The following SEZ6L2 variants were observed in gnomAD, a reference collection of about 807,000 sequenced individuals.
SEZ6L2 encodes the protein seizure 6-like protein 2.
In SEZ6L2, 44 loss-of-function variants were observed where a neutral mutation model predicts 97.0. The ratio of observed to expected loss-of-function variants is 0.45; its 90% CI spans 0.36 to 0.58. The LOEUF (loss-of-function observed/expected upper bound fraction) is 0.58, where lower values mean the gene tolerates loss of function less well. SEZ6L2 is among the 20% of genes least tolerant of loss of function. The probability of loss-of-function intolerance (pLI) is 0.00; values close to 1 mark genes in which losing one functional copy is unlikely to be tolerated. For synonymous variants in SEZ6L2, 543 were observed against 546.1 expected, an observed-to-expected ratio of 0.99 and a Z score of 0.08; for missense variants, 1,086 against 1,233.3, an observed-to-expected ratio of 0.88 and a Z score of 1.79.
Position 29,898,998 on chromosome 16 carries a change from G to A in SEZ6L2, c.22C>T (p.His8Tyr). The change falls in exon 1 of 18, where the codon CAC (histidine) becomes TAC (tyrosine). Residue 8 changes from histidine to tyrosine, a missense_variant. By Grantham distance (83) the His-to-Tyr change is moderately conservative. Coordinates refer to ENST00000617533, the MANE Select transcript of SEZ6L2 (RefSeq NM_001243332.2). Reference sequence around the variant, plus strand: ...AACAGCAGCTGGGGAGGCGGCGGGTGCTGGGCCCTGGGAGTCCCCATGGCG... The same window carrying A: ...AACAGCAGCTGGGGAGGCGGCGGGTACTGGGCCCTGGGAGTCCCCATGGCG... MGTPRAQ[H>Y]PPPPQLLFLI... 6.2e-7 allele frequency: 1 copy of A among 1,611,080 alleles called. No individual in the cohort carries two copies.
chr16:29,886,119 G>C (rs1436542665), intron 7 of SEZ6L2: 1 of 161,516 alleles, frequency 6.2e-6, no homozygotes, highest in Non-Finnish European at 1.3e-5. Flanking sequence ...TGTCATCCCA[G>C]CACTTTGGGA....
rs974327400 is a variant in SEZ6L2 at position 29,872,168 on chromosome 16, G to A, written c.2742+19C>T. On this transcript the variant is annotated intron_variant, in intron 17 of 17. Coordinates refer to ENST00000617533, the MANE Select transcript of SEZ6L2 (RefSeq NM_001243332.2). Reference sequence around the variant, plus strand: ...GGAGAGCCAAGTGGTGGCTCTTCAGGGGCAGGCAAGGTGCTTACCCCAGCT... The same window carrying A: ...GGAGAGCCAAGTGGTGGCTCTTCAGAGGCAGGCAAGGTGCTTACCCCAGCT... 6.4e-7 allele frequency: 1 copy of A among 1,565,472 alleles called. No homozygotes were observed. Among genetic ancestry groups the A allele is most frequent in the Admixed American group, 1.9e-5 (1 of 53,194 alleles).
At chr16:29,884,642 A>G (rs1483565904) in intron 8 of SEZ6L2, among the ~76,000 whole-genome samples, 1 of 151,886 alleles carries the variant, frequency 6.6e-6, no homozygotes, top group African/African-American at 2.4e-5. Flanking sequence ...TGTCAGGCGC[A>G]GTGGCTCACG....
At chr16:29,894,701 T>C (rs1162040420) in intron 5 of SEZ6L2, among the ~76,000 whole-genome samples, 1 of 152,170 alleles carries the variant, frequency 6.6e-6, no homozygotes, top group African/African-American at 2.4e-5. Flanking sequence ...GGGCCTGGTA[T>C]GAAGCAAGCA....
Position 29,873,610 on chromosome 16 carries a change from C to A in SEZ6L2, c.2224G>T (p.Ala742Ser), listed in dbSNP as rs1596957096. The A allele has an allele frequency of 6.2e-7, 1 of 1,614,040 alleles. No homozygotes were observed. Among genetic ancestry groups the A allele is most frequent in the East Asian group, 2.2e-5 (1 of 44,872 alleles). Residue 742 changes from alanine (A) to serine (S), a missense_variant, in exon 13 of 18, where the codon GCA (alanine) becomes TCA (serine). Ala to Ser is a moderately conservative substitution (Grantham distance 99, BLOSUM62 1). Transcript: ENST00000617533. This position sits in a 1 kb window ranked among gnomAD's most constrained non-coding sequence, Gnocchi z 4.3. ...RCLPGYSLEG[A>S]AMLTCYSRDT... ...CGGCTGTAGCAGGTGAGCATGGCTGCCCCCTCGAGGCTGTACCCTGGCAGG... is the reference window on the plus strand; with the variant it reads ...CGGCTGTAGCAGGTGAGCATGGCTGACCCCTCGAGGCTGTACCCTGGCAGG...
chr16:29,895,977 G>A (rs1010460369), intron 3 of SEZ6L2, 117 bp from the exon 4 acceptor site: 1 of 1,145,680 alleles, frequency 8.7e-7, no homozygotes, highest in Non-Finnish European at 1.2e-6. Context: ...TTTTTGTTTT[G>A]TTTGAGACAG....
chr16:29,895,340 G>C lies in SEZ6L2; in HGVS notation c.772C>G (p.Arg258Gly). 6.2e-7 allele frequency: 1 copy of C among 1,614,136 alleles called. No individual in the cohort carries two copies. Among genetic ancestry groups the C allele is most frequent in the Non-Finnish European group, 8.5e-7 (1 of 1,180,040 alleles). The change falls in exon 5 of 18, where the codon CGG (arginine) becomes GGG (glycine). Residue 258 changes from arginine to glycine, a missense_variant. Coordinates refer to ENST00000617533, the MANE Select transcript of SEZ6L2 (RefSeq NM_001243332.2). Reference protein sequence around the residue: ...SSMLGEGQVLRSPTNRLLLHF... With the variant: ...SSMLGEGQVLGSPTNRLLLHF... The stretch of plus-strand genomic sequence containing the variant: ...AGAAGCAGCCGGTTGGTTGGGCTCC[G>C]AAGGACTTGTCCTTCTCCAAGCATG...
In SEZ6L2 at chr16:29,890,841, C is replaced by T. The variant is rs561876201; in HGVS notation, c.854-2116G>A. ...TCAGCTCATTGCAACTTTTACCTCCCGGGTTCAAGTAATTCTCCTCCCTCA... is the reference window on the plus strand; with the variant it reads ...TCAGCTCATTGCAACTTTTACCTCCTGGGTTCAAGTAATTCTCCTCCCTCA... On this transcript the variant is annotated intron_variant, in intron 5 of 17. Coordinates refer to ENST00000617533, the MANE Select transcript of SEZ6L2 (RefSeq NM_001243332.2). 6.0e-5 allele frequency among the ~76,000 whole-genome samples: 9 copies of T among 150,546 alleles called. 1 individual carries two copies. The South Asian group carries it at 1.7e-3, about 28-fold the overall frequency.
intron 8 of SEZ6L2, 56 bp from the exon 9 acceptor site, chr16:29,880,120 A>T (rs1304000354): frequency 6.5e-7 from 1 of 1,548,160 alleles, no homozygotes; most frequent in African/African-American, 1.4e-5. Flanking sequence ...AAGGGATCTT[A>T]AATTGGGGAT....
rs1175421542 is a variant in SEZ6L2, at chr16:29,878,949, C to T, written c.1574-524G>A. Reference sequence around the variant, plus strand: ...ACAGAGTCTCACTCTGTCGCCCAGGCTGGAGTGCAGTGGCGCAATCCCGGC... The same window carrying T: ...ACAGAGTCTCACTCTGTCGCCCAGGTTGGAGTGCAGTGGCGCAATCCCGGC... On this transcript the variant is annotated intron_variant, in intron 9 of 17. Coordinates refer to ENST00000617533, the MANE Select transcript of SEZ6L2 (RefSeq NM_001243332.2). 3.3e-5 allele frequency among the ~76,000 whole-genome samples: 5 copies of T among 151,900 alleles called. No individual in the cohort carries two copies. The South Asian group carries it at 8.3e-4, about 25-fold the overall frequency.
chr16:29,877,400 C>T lies in SEZ6L2; in HGVS notation c.1780G>A (p.Ala594Thr). The T allele has an allele frequency of 6.2e-7, 1 of 1,613,006 alleles. No individual in the cohort carries two copies. Among genetic ancestry groups the T allele is most frequent in the Non-Finnish European group, 8.5e-7 (1 of 1,179,586 alleles). ...DGDGPSARVL[A>T]QLRGPQPRRR... ...CGCGGCTGAGGTCCCCGCAGCTGGG[C>T]CAAGACTCGGGCGCTGGGACCGTCC... is the stretch of plus-strand genomic sequence containing the variant. Residue 594 changes from alanine (A) to threonine (T), a missense_variant, in exon 11 of 18, where the codon GCC becomes ACC. By Grantham distance (58) the Ala-to-Thr change is moderately conservative. This residue lies in a region of SEZ6L2 where 776 missense variants were observed against 794.7 expected (regional missense o/e 0.98). Coordinates refer to ENST00000617533, the MANE Select transcript of SEZ6L2 (RefSeq NM_001243332.2).
At chr16:29,895,890 G>A in intron 3 of SEZ6L2, 30 bp from the exon 4 acceptor site, 1 of 1,578,874 alleles carries the variant, frequency 6.3e-7, no homozygotes, top group African/African-American at 1.3e-5. Flanking sequence ...TGGGATGGAA[G>A]GAATGCCTGT....
In SEZ6L2 at chr16:29,895,542, T is replaced by G; in HGVS notation, c.652-82A>C. 3 of 1,504,914 alleles carry G rather than the reference T, an allele frequency of 2.0e-6. No homozygotes were observed. The South Asian group carries it at 3.7e-5, about 18-fold the overall frequency. The allele number at this position is 1,504,914 out of a possible 1,614,324, so 93.2% of individuals were successfully genotyped here. On this transcript the variant is annotated intron_variant, in intron 4 of 17. Transcript: ENST00000617533. Reference sequence around the variant, plus strand: ...AAGCCCCTGTCCTGTGCCTTTGCCCTGTGTGTAGCAGCCCAAAAGGCACCA... The same window carrying G: ...AAGCCCCTGTCCTGTGCCTTTGCCCGGTGTGTAGCAGCCCAAAAGGCACCA...
chr16:29,899,118 T>G lies in SEZ6L2; in HGVS notation c.-99A>C, dbSNP rs1337395174. 4.7e-6 allele frequency: 4 copies of G among 845,788 alleles called. No individual in the cohort carries two copies. The highest frequency in any genetic ancestry group is 3.6e-6 in the Non-Finnish European group (2 of 555,450). 52.4% of individuals were successfully genotyped at this position (845,788 alleles called of 1,614,324 possible). On this transcript the variant is annotated 5_prime_UTR_variant, in exon 1 of 18. Coordinates refer to ENST00000617533, the MANE Select transcript of SEZ6L2 (RefSeq NM_001243332.2). ...TATCTTTCCCTTTAATTGTTTTTTT[T>G]TTTTTTTTTTTTTTCCTCGTAGGAG...
chr16:29,873,287 A>G lies in SEZ6L2; in HGVS notation c.2441T>C (p.Val814Ala), dbSNP rs1225003316. 1 of 1,614,178 alleles carries G rather than the reference A, an allele frequency of 6.2e-7. No individual in the cohort carries two copies. ...ELIGEVTITC[V>A]PGHPSQWTSQ... ...GGTCCACTGGGAGGGGTGGCCGGGC[A>G]CACAGGTGATGGTGACCTCGCCGAT... Residue 814 changes from valine (V) to alanine (A), a missense_variant, in exon 14 of 18, where the codon GTG becomes GCG. Physicochemically the swap from Val to Ala is moderately conservative, Grantham distance 64. Around this residue, in one of 2 missense-constraint regions of SEZ6L2, gnomAD observed 310 missense variants for 438.6 expected, o/e 0.71. Coordinates refer to ENST00000617533, the MANE Select transcript of SEZ6L2 (RefSeq NM_001243332.2). The surrounding 1 kb of genome is among the most constrained non-coding windows in gnomAD (Gnocchi z 4.3).
Position 29,873,736 on chromosome 16 carries a change from G to A in SEZ6L2, c.2105-7C>T. 1 of 1,567,566 alleles carries A rather than the reference G, an allele frequency of 6.4e-7. No individual in the cohort carries two copies. On this transcript the variant is annotated splice_polypyrimidine_tract_variant and splice_region_variant and intron_variant, in intron 12 of 17. Coordinates refer to ENST00000617533, the MANE Select transcript of SEZ6L2 (RefSeq NM_001243332.2). This position sits in a 1 kb window ranked among gnomAD's most constrained non-coding sequence, Gnocchi z 4.3. ...GGGTCAGCACAAGTCATGACTGGTG[G>A]CAGAAGAACAAGGTCAGGGGGAGCG...
chr16:29,899,161 T>G lies in SEZ6L2; in HGVS notation c.-142A>C. On this transcript the variant is annotated 5_prime_UTR_variant, in exon 1 of 18. Coordinates refer to ENST00000617533, the MANE Select transcript of SEZ6L2 (RefSeq NM_001243332.2). Reference sequence around the variant, plus strand: ...CGTAGGAGTCAGCAAAGAAAGACAATTTCTCTGCCCCTTGGGATGGAGGGG... The same window carrying G: ...CGTAGGAGTCAGCAAAGAAAGACAAGTTCTCTGCCCCTTGGGATGGAGGGG... 2 of 666,062 alleles carry G rather than the reference T, an allele frequency of 3.0e-6. No individual in the cohort carries two copies. Among genetic ancestry groups the G allele is most frequent in the Non-Finnish European group, 2.5e-6 (1 of 400,494 alleles). 41.3% of individuals were successfully genotyped at this position (666,062 alleles called of 1,614,324 possible).
Position 29,877,627 on chromosome 16 carries a change from C to T in SEZ6L2, c.1713-160G>A, listed in dbSNP as rs571686743. ...CTGGCGCCGCCTCCGTTTTGACCAA[C>T]CATGGTTTCTCCTATGCTAGTGCCT... On this transcript the variant is annotated intron_variant, in intron 10 of 17. Coordinates refer to ENST00000617533, the MANE Select transcript of SEZ6L2 (RefSeq NM_001243332.2). Among the ~76,000 whole-genome samples, 7 of 152,304 alleles carry T rather than the reference C, an allele frequency of 4.6e-5. 1 individual carries two copies. Among genetic ancestry groups the T allele is most frequent in the Middle Eastern group, 3.4e-3 (1 of 294 alleles).
Position 29,896,903 on chromosome 16 carries a change from G to A in SEZ6L2, c.430C>T (p.Leu144Phe), listed in dbSNP as rs775717187. The A allele has an allele frequency of 2.5e-6, 4 of 1,613,814 alleles. No individual in the cohort carries two copies. Among genetic ancestry groups the A allele is most frequent in the Non-Finnish European group, 3.4e-6 (4 of 1,179,806 alleles). ...TCCTCCTCTCCTCCCTCAGGCCCAAGGGGAGGCCCTGGGGAGGCAGGGCTG... is the reference window on the plus strand; with the variant it reads ...TCCTCCTCTCCTCCCTCAGGCCCAAAGGGAGGCCCTGGGGAGGCAGGGCTG... ...PPSPASPGPP[L>F]GPEGGEEETT... Residue 144 changes from leucine (L) to phenylalanine (F), a missense_variant, in exon 3 of 18, where the codon CTT (leucine) becomes TTT (phenylalanine). This residue lies in a region of SEZ6L2 where 776 missense variants were observed against 794.7 expected (regional missense o/e 0.98). Transcript: ENST00000617533.
Sources: gnomAD v4.1 joint callset for allele counts (sites outside exome capture counted in the v4.1 genomes callset) on GRCh38, gnomAD v4.1.1 for gene constraint, gnomAD v4.1.1 regional missense constraint, Gnocchi (gnomAD v3.1) non-coding constraint, MANE v1.5 for transcripts, NCBI Gene and HGNC (gene_info 2026-07-23, HGNC 2026-07-21) for gene names.